The following KIAA1614 variants were observed in gnomAD, a reference collection of about 807,000 sequenced individuals.
KIAA1614 encodes KIAA1614, also known as uncharacterized protein KIAA1614.
Under a neutral mutation model 88.7 loss-of-function variants are expected in KIAA1614, and 76 were observed. The ratio of observed to expected loss-of-function variants is 0.86; its 90% confidence interval spans 0.71 to 1.04. The LOEUF is 1.04. Ranked by LOEUF, KIAA1614 falls within the 50% of genes least tolerant of loss-of-function variation. The pLI, the probability that KIAA1614 is intolerant of heterozygous loss-of-function variation, is 0.00. For missense variants in KIAA1614, 1,553 were observed against 1,582.5 expected, an observed-to-expected ratio of 0.98 and a Z score of 0.32; for synonymous variants, 714 against 675.5, an observed-to-expected ratio of 1.06 and a Z score of -0.88.
At position 180,942,691 on chromosome 1, in the gene KIAA1614, G is replaced by C. The variant is rs185659092; in HGVS notation, c.3159+1406G>C. ...TTAGGTTTATCCAAAGCGTGTCTGAGCCGTGGCACCCAGATTTATTGTCAT... is the reference window on the plus strand; with the variant it reads ...TTAGGTTTATCCAAAGCGTGTCTGACCCGTGGCACCCAGATTTATTGTCAT... On this transcript the variant is annotated intron_variant, in intron 7 of 8. Coordinates refer to ENST00000367588, the MANE Select transcript of KIAA1614 (RefSeq NM_020950.2). Among the ~76,000 whole-genome samples, 219 of 152,290 alleles carry C rather than the reference G, an allele frequency of 1.4e-3. 1 individual carries two copies. The highest frequency in any genetic ancestry group is 2.9e-3 in the Admixed American group (45 of 15,304).
At chr1:180,940,361 C>T (rs764615425) in intron 6 of KIAA1614, among the ~76,000 whole-genome samples, 1 of 152,140 alleles carries the variant, frequency 6.6e-6, no homozygotes, top group East Asian at 1.9e-4. Flanking sequence ...AGTAGCCGGG[C>T]GTGGTGGTGT....
At chr1:180,925,078 A>G (rs1375322319) in intron 3 of KIAA1614, among the ~76,000 whole-genome samples, 4 of 151,912 alleles carry the variant, frequency 2.6e-5, no homozygotes, top group Admixed American at 1.3e-4. Context: ...GTGGCTGTCC[A>G]GGGATTAGAA....
intron 6 of KIAA1614, among the ~76,000 whole-genome samples, chr1:180,939,711 ACTGAAAACC>A (rs1166666441): frequency 2.0e-5 from 3 of 152,114 alleles, no homozygotes; most frequent in African/African-American, 7.2e-5. Flanking sequence ...TCATTCTCCT[ACTGAAAACC>A]CTGCCTGCAA....
At chr1:180,918,683 C>T (rs1269208017) in intron 3 of KIAA1614, among the ~76,000 whole-genome samples, 3 of 152,146 alleles carry the variant, frequency 2.0e-5, no homozygotes, top group Non-Finnish European at 2.9e-5. Flanking sequence ...TCAGCCCCTG[C>T]GAGGCCTTGT....
In KIAA1614 at chr1:180,917,051, C is replaced by A. The variant is rs749484072; in HGVS notation, c.948C>A (p.Arg316=). The A allele has an allele frequency of 2.5e-6, 4 of 1,613,654 alleles. No individual in the cohort carries two copies. The South Asian group carries it at 3.3e-5, about 13-fold the overall frequency. Residue 316 remains arginine, a synonymous_variant, in exon 2 of 9, where the codon CGC becomes CGA. Coordinates refer to ENST00000367588, the MANE Select transcript of KIAA1614 (RefSeq NM_020950.2). ...TCAACGTTTCTGGGCAGAGCCCCCGCAAGGTGGGAACCCCTGCCTGGACTC... is the reference window on the plus strand; with the variant it reads ...TCAACGTTTCTGGGCAGAGCCCCCGAAAGGTGGGAACCCCTGCCTGGACTC... ...EMLNVSGQSP[R]KVGTPAWTPS...
intron 4 of KIAA1614, among the ~76,000 whole-genome samples, chr1:180,928,927 A>G (rs1654134016): frequency 6.6e-6 from 1 of 152,226 alleles, no homozygotes; most frequent in Non-Finnish European, 1.5e-5. Context: ...CTCCACCTGG[A>G]AAGGACAGGT....
chr1:180,938,307 C>G (rs1312642326), intron 5 of KIAA1614, among the ~76,000 whole-genome samples: 1 of 152,222 alleles, frequency 6.6e-6, no homozygotes, highest in Non-Finnish European at 1.5e-5. Context: ...CAGCAGTCAA[C>G]AAGACTCAGT....
rs373024451 is a variant in KIAA1614 at position 180,922,370 on chromosome 1, T to A, written c.1061+4456T>A. Reference sequence around the variant, plus strand: ...GGGGATCCACAAGCCCAGTCCCTGGTGTACACACCCTTCAGGAAATCCCTG... The same window carrying A: ...GGGGATCCACAAGCCCAGTCCCTGGAGTACACACCCTTCAGGAAATCCCTG... On this transcript the variant is annotated intron_variant, in intron 3 of 8. Coordinates refer to ENST00000367588, the MANE Select transcript of KIAA1614 (RefSeq NM_020950.2). Among the ~76,000 whole-genome samples the A allele has an allele frequency of 7.4e-4, 113 of 152,244 alleles. 3 individuals are homozygous for A. In the South Asian group the frequency reaches 0.022, roughly 30 times the overall value.
chr1:180,925,133 A>G (rs1654040350), intron 3 of KIAA1614, among the ~76,000 whole-genome samples: 1 of 152,132 alleles, frequency 6.6e-6, no homozygotes, highest in African/African-American at 2.4e-5. Context: ...CCGCCACTCT[A>G]GGCTGTGTCC....
At chr1:180,945,208 A>G in intron 8 of KIAA1614, 95 bp from the exon 9 acceptor site, 1 of 1,369,926 alleles carries the variant, frequency 7.3e-7, no homozygotes, top group Non-Finnish European at 9.7e-7. Context: ...CCAGGCTCTT[A>G]AGTCTGTGAG....
intron 4 of KIAA1614, among the ~76,000 whole-genome samples, chr1:180,933,600 T>A (rs1244171987): frequency 6.6e-6 from 1 of 152,234 alleles, no homozygotes; most frequent in African/African-American, 2.4e-5. Flanking sequence ...AAACGGCCTG[T>A]GGACCTGGGT....
rs970216763 is a variant in KIAA1614 at position 180,951,096 on chromosome 1, T to C, written c.*5508T>C. ...GCCAAACCAAAATCAGAACGTGTGG[T>C]CTGGCAGGAGTTTTATGCCCCTTCG... On this transcript the variant is annotated 3_prime_UTR_variant, in exon 9 of 9. Transcript: ENST00000367588. 2 of 152,204 alleles carry C rather than the reference T, an allele frequency of 1.3e-5. No individual in the cohort carries two copies. Among genetic ancestry groups the C allele is most frequent in the Non-Finnish European group, 2.9e-5 (2 of 68,030 alleles). 9.4% of individuals were successfully genotyped at this position (152,204 alleles called of 1,614,324 possible). A position where few individuals can be genotyped will look rare whatever the true frequency, so the allele number is the denominator to read the frequency against.
At position 180,935,612 on chromosome 1, in the gene KIAA1614, G is replaced by A; in HGVS notation, c.1703G>A (p.Gly568Glu). 3.1e-6 allele frequency: 5 copies of A among 1,611,384 alleles called. 1 individual carries two copies. In the South Asian group the frequency reaches 5.5e-5, roughly 18 times the overall value. ...RTLQELQAACGMERVLGGLSS... is the reference protein window; with the variant it reads ...RTLQELQAACEMERVLGGLSS... ...CTCCAGGAGCTCCAGGCTGCCTGTG[G>A]GATGGAGAGGGTGCTGGGTGGCCTG... Residue 568 changes from glycine to glutamate, a missense_variant, in exon 5 of 9, where the codon GGG becomes GAG. Physicochemically the swap from Gly to Glu is moderately conservative, Grantham distance 98. Coordinates refer to ENST00000367588, the MANE Select transcript of KIAA1614 (RefSeq NM_020950.2). The surrounding 1 kb of genome is among the most constrained non-coding windows in gnomAD (Gnocchi z 6.1).
chr1:180,940,629 T>C (rs1175613818), intron 6 of KIAA1614, among the ~76,000 whole-genome samples: 1 of 152,162 alleles, frequency 6.6e-6, no homozygotes, highest in Non-Finnish European at 1.5e-5. Flanking sequence ...GTCTTTTTTT[T>C]CTTTCTTTTC....
In KIAA1614 at chr1:180,935,724, T is replaced by G. The variant is rs1654316065; in HGVS notation, c.1815T>G (p.Pro605=). The change falls in exon 5 of 9, where the codon CCT becomes CCG. Residue 605 remains proline, a synonymous_variant. Transcript: ENST00000367588. This position sits in a 1 kb window ranked among gnomAD's most constrained non-coding sequence, Gnocchi z 6.1. ...RETHIGDTVC[P]AEVDSALDST... The stretch of plus-strand genomic sequence containing the variant: ...CACACATCGGAGACACCGTGTGCCC[T>G]GCGGAGGTGGACTCTGCCCTGGACA... 6.2e-7 allele frequency: 1 copy of G among 1,613,774 alleles called. No homozygotes were observed. The highest frequency in any genetic ancestry group is 8.5e-7 in the Non-Finnish European group (1 of 1,179,948).
At chr1:180,929,349 G>A (rs554923456) in intron 4 of KIAA1614, among the ~76,000 whole-genome samples, 25 of 152,246 alleles carry the variant, frequency 1.6e-4, no homozygotes, top group Non-Finnish European at 2.6e-4. Context: ...GTTCTGACTC[G>A]GTGTCTGTGT....
In KIAA1614 at chr1:180,925,376, TTCTC is replaced by T. The variant is rs1654045906; in HGVS notation, c.1062-3052_1062-3049del. 5.3e-5 allele frequency among the ~76,000 whole-genome samples: 8 copies of T among 152,322 alleles called. No homozygotes were observed. In the South Asian group the frequency reaches 1.7e-3, roughly 32 times the overall value. ...TGGAACAAATGCTAAGCAGAAAAGT[TTCTC>T]TATGTTCTGTACACTCCATATTCTC... On this transcript the variant is annotated intron_variant, in intron 3 of 8. Transcript: ENST00000367588.
At chr1:180,941,591 TG>T (rs1433039122) in intron 7 of KIAA1614, among the ~76,000 whole-genome samples, 3 of 152,208 alleles carry the variant, frequency 2.0e-5, no homozygotes, top group African/African-American at 7.2e-5. Context: ...CTGATGGTTC[TG>T]GAAACTTCTC....
At chr1:180,929,733 G>A (rs1168410667) in intron 4 of KIAA1614, among the ~76,000 whole-genome samples, 3 of 152,218 alleles carry the variant, frequency 2.0e-5, no homozygotes, top group African/African-American at 7.2e-5. Flanking sequence ...GGCCTGAGAT[G>A]AGGCCACCAG....
Sources: allele counts gnomAD v4.1 joint callset (sites outside exome capture counted in the v4.1 genomes callset), GRCh38; gene constraint gnomAD v4.1.1; non-coding constraint Gnocchi (gnomAD v3.1); transcripts MANE v1.5; gene names NCBI Gene and HGNC (gene_info 2026-07-23, HGNC 2026-07-21).